MBOAT2: variants seen among roughly 807,000 people sequenced by gnomAD.
MBOAT2 encodes the protein membrane-bound glycerophospholipid O-acyltransferase 2.
MBOAT2 carries 28 observed loss-of-function variants against 63.4 expected under a neutral mutation model. The observed-to-expected ratio is 0.44, with a 90% CI of 0.33 to 0.61. The LOEUF is 0.61. MBOAT2 is among the 20% of genes least tolerant of loss of function. MBOAT2 has a pLI of 0.03. For missense variants in MBOAT2, 470 were observed against 605.8 expected, an observed-to-expected ratio of 0.78 and a Z score of 2.35; for synonymous variants, 211 against 215.6, an observed-to-expected ratio of 0.98 and a Z score of 0.19.
In MBOAT2 at chr2:8,877,039, T is replaced by C; in HGVS notation, c.681A>G (p.Pro227=). Residue 227 remains proline (P), a synonymous_variant, in exon 7 of 13, where the codon CCA becomes CCG. Transcript: ENST00000305997. ...AATCTCATGACCTTACATTTGGAGATGGCTCTGTTCTTTCATACTGTGTCT... is the reference window on the plus strand; with the variant it reads ...AATCTCATGACCTTACATTTGGAGACGGCTCTGTTCTTTCATACTGTGTCT... ...KEETQYERTE[P]SPNTAVVQKL... is the part of the protein sequence containing the mutation. 6.2e-7 allele frequency: 1 copy of C among 1,608,400 alleles called. No individual in the cohort carries two copies. Among genetic ancestry groups the C allele is most frequent in the Non-Finnish European group, 8.5e-7 (1 of 1,178,090 alleles).
rs1345759062 is a variant in MBOAT2 at position 8,950,022 on chromosome 2, A to C, written c.222-6758T>G. 2.6e-5 allele frequency among the ~76,000 whole-genome samples: 4 copies of C among 152,226 alleles called. No individual in the cohort carries two copies. In the East Asian group the frequency reaches 7.7e-4, roughly 29 times the overall value. The stretch of plus-strand genomic sequence containing the variant: ...GCAGTGTTTTGAAGCTCTCCTTGTA[A>C]AGATCTTTCGCCTCCCTAGTTAGAT... On this transcript the variant is annotated intron_variant, in intron 2 of 12. Transcript: ENST00000305997.
chr2:8,975,263 A>G (rs1344280892), intron 1 of MBOAT2, among the ~76,000 whole-genome samples: 1 of 152,100 alleles, frequency 6.6e-6, no homozygotes. Context: ...CCACCTCTTC[A>G]ACCTAGAAAG....
chr2:8,995,834 G>A (rs975930101), intron 1 of MBOAT2, among the ~76,000 whole-genome samples: 36 of 151,966 alleles, frequency 2.4e-4, no homozygotes, highest in African/African-American at 7.3e-4. Context: ...CTTGTGATCC[G>A]CCCGCCTCGG....
At chr2:8,860,889 G>C (rs1661445034) in intron 11 of MBOAT2, 125 bp from the exon 12 acceptor site, 1 of 740,384 alleles carries the variant, frequency 1.4e-6, no homozygotes, top group African/African-American at 1.8e-5. Context: ...TAAGTTGCTA[G>C]TGGGAATGTA....
At chr2:8,874,732 A>G (rs746215056) in intron 7 of MBOAT2, among the ~76,000 whole-genome samples, 1 of 152,196 alleles carries the variant, frequency 6.6e-6, no homozygotes, top group Non-Finnish European at 1.5e-5. Flanking sequence ...GAAATAGCCT[A>G]CAGACATCAT....
At chr2:8,928,629 A>G (rs1407874595) in intron 3 of MBOAT2, among the ~76,000 whole-genome samples, 1 of 152,142 alleles carries the variant, frequency 6.6e-6, no homozygotes, top group African/African-American at 2.4e-5. Context: ...TAATTCAAGA[A>G]TAATTATAAT....
At chr2:8,997,530 C>A (rs1233109622) in intron 1 of MBOAT2, among the ~76,000 whole-genome samples, 2 of 152,006 alleles carry the variant, frequency 1.3e-5, no homozygotes, top group Non-Finnish European at 2.9e-5. Context: ...AAAAGCAAGT[C>A]CTAAAGATTA....
At chr2:8,969,053 C>T (rs1353151045) in intron 1 of MBOAT2, among the ~76,000 whole-genome samples, 1 of 152,038 alleles carries the variant, frequency 6.6e-6, no homozygotes, top group Non-Finnish European at 1.5e-5. Flanking sequence ...AAGTGCAACT[C>T]CAAGACACAT....
At chr2:8,964,010 C>T (rs1246654282) in intron 1 of MBOAT2, among the ~76,000 whole-genome samples, 1 of 152,198 alleles carries the variant, frequency 6.6e-6, no homozygotes, top group Non-Finnish European at 1.5e-5. Context: ...TCCATATGCA[C>T]AGGCCCAGAA....
Position 8,882,570 on chromosome 2 carries a change from G to A in MBOAT2, c.452-5C>T, listed in dbSNP as rs1663219928. ...CTTCATCCTTCCGAAACATCCCTGA[G>A]AAACAAAAATAGGTACTCATCAATT... On this transcript the variant is annotated splice_polypyrimidine_tract_variant and splice_region_variant and intron_variant, in intron 5 of 12. Coordinates refer to ENST00000305997, the MANE Select transcript of MBOAT2 (RefSeq NM_138799.4). 2 of 1,613,918 alleles carry A rather than the reference G, an allele frequency of 1.2e-6. No homozygotes were observed. The highest frequency in any genetic ancestry group is 2.2e-5 in the South Asian group (2 of 91,088).
At chr2:8,889,750 A>G (rs550664631) in intron 4 of MBOAT2, among the ~76,000 whole-genome samples, 49 of 152,350 alleles carry the variant, frequency 3.2e-4, no homozygotes, top group African/African-American at 1.1e-3. Flanking sequence ...AACTGATAAA[A>G]TAATTATTAC....
At chr2:8,891,199 G>A (rs950253906) in intron 4 of MBOAT2, among the ~76,000 whole-genome samples, 13 of 152,190 alleles carry the variant, frequency 8.5e-5, no homozygotes, top group African/African-American at 2.9e-4. Context: ...CCCATCAGCC[G>A]GTGCGTAGCA....
intron 5 of MBOAT2, among the ~76,000 whole-genome samples, chr2:8,886,102 G>A (rs182794225): frequency 6.4e-4 from 97 of 152,292 alleles, no homozygotes; most frequent in Middle Eastern, 3.4e-3. Context: ...TTTGGTGTGC[G>A]CTAGGCAGCG....
chr2:8,876,038 G>C (rs892956355), intron 7 of MBOAT2, among the ~76,000 whole-genome samples: 1 of 152,180 alleles, frequency 6.6e-6, no homozygotes, highest in Admixed American at 6.5e-5. Flanking sequence ...TACATTCACA[G>C]AAAACACACC....
At chr2:8,892,301 C>T (rs964843121) in intron 4 of MBOAT2, among the ~76,000 whole-genome samples, 5 of 152,140 alleles carry the variant, frequency 3.3e-5, no homozygotes, top group African/African-American at 1.2e-4. Flanking sequence ...GTTAACTGTT[C>T]ACCTCAGTTA....
rs144728643 is a variant in MBOAT2, at chr2:8,934,596, T to C, written c.299+8591A>G. Among the ~76,000 whole-genome samples the C allele has an allele frequency of 4.6e-3, 704 of 152,298 alleles. 5 individuals are homozygous for C. Among genetic ancestry groups the C allele is most frequent in the Non-Finnish European group, 8.3e-3 (562 of 68,010 alleles). ...AAATCAATTTTAGAATTACTCACAG[T>C]TTCCCAAATGACATTCAACTTTTAT... On this transcript the variant is annotated intron_variant, in intron 3 of 12. Transcript: ENST00000305997.
chr2:8,902,088 A>T (rs553042736), intron 4 of MBOAT2, among the ~76,000 whole-genome samples: 2 of 152,298 alleles, frequency 1.3e-5, no homozygotes, highest in East Asian at 3.9e-4. Flanking sequence ...CCAGAGGTAC[A>T]GGAAAAGTGG....
Position 8,989,267 on chromosome 2 carries a change from C to G in MBOAT2, c.75+14273G>C, listed in dbSNP as rs117180040. 3.1e-3 allele frequency among the ~76,000 whole-genome samples: 465 copies of G among 152,270 alleles called. 7 individuals carry two copies. Among genetic ancestry groups the G allele is most frequent in the East Asian group, 0.013 (69 of 5,190 alleles). ...GATGCTCCTTTGTCACACCTGACAC[C>G]CATCAGCCCGTTAACGTCAAATGAG... On this transcript the variant is annotated intron_variant, in intron 1 of 12. Coordinates refer to ENST00000305997, the MANE Select transcript of MBOAT2 (RefSeq NM_138799.4).
rs749230932 is a variant in MBOAT2 at position 9,003,514 on chromosome 2, C to A, written c.75+26G>T. 5.1e-6 allele frequency: 6 copies of A among 1,183,042 alleles called. No homozygotes were observed. In the South Asian group the frequency reaches 1.9e-4, roughly 38 times the overall value. 73.3% of individuals were successfully genotyped at this position (1,183,042 alleles called of 1,614,324 possible). A position where few individuals can be genotyped will look rare whatever the true frequency, so the allele number is the denominator to read the frequency against. ...GGGGAGGGGCGGCGAGGGCGCGACG[C>A]CCGGCGCCAGGGCGCCTCGGGGTAC... is the stretch of plus-strand genomic sequence containing the variant. On this transcript the variant is annotated intron_variant, in intron 1 of 12. Transcript: ENST00000305997. This position sits in a 1 kb window ranked among gnomAD's most constrained non-coding sequence, Gnocchi z 5.4.
Sources: allele counts gnomAD v4.1 joint callset (sites outside exome capture counted in the v4.1 genomes callset), GRCh38; gene constraint gnomAD v4.1.1; non-coding constraint Gnocchi (gnomAD v3.1); transcripts MANE v1.5; gene names NCBI Gene and HGNC (gene_info 2026-07-23, HGNC 2026-07-21).